Variants in FSTL5 observed in about 807,000 individuals in gnomAD.
The protein encoded by FSTL5 is follistatin-related protein 5.
In FSTL5, 62 loss-of-function variants were observed where a neutral mutation model predicts 89.1. That is an observed-to-expected ratio of 0.70 (90% CI 0.57 to 0.86). The LOEUF (loss-of-function observed/expected upper bound fraction) is 0.86. Ranked by LOEUF, FSTL5 falls within the 40% of genes least tolerant of loss-of-function variation. The probability of loss-of-function intolerance (pLI) is 0.00; values close to 1 mark genes in which losing one functional copy is unlikely to be tolerated. For synonymous variants in FSTL5, 383 were observed against 346.2 expected (o/e 1.11, Z -1.18); for missense variants, 1,057 against 1,001.6 (o/e 1.06, Z -0.75).
chr4:161,594,925 T>C (rs892542682), intron 7 of FSTL5, among the ~76,000 whole-genome samples: 1 of 152,084 alleles, frequency 6.6e-6, no homozygotes, highest in Non-Finnish European at 1.5e-5. Context: ...AAAGGCCCCA[T>C]CATTAATCCC....
At chr4:161,565,742 G>GACACACACACAC (rs145835055) in intron 8 of FSTL5, among the ~76,000 whole-genome samples, 2,448 of 133,608 alleles carry the variant, frequency 0.018, 52 homozygotes, top group African/African-American at 0.04. Context: ...TATAACTTGA[G>GACACACACACAC]ACACACACAC....
intron 3 of FSTL5, among the ~76,000 whole-genome samples, chr4:162,007,933 C>T (rs1371242896): frequency 1.3e-5 from 2 of 151,676 alleles, no homozygotes; most frequent in Non-Finnish European, 3.0e-5. Context: ...TAGTAGCTAA[C>T]TTTTGAAGTT....
intron 10 of FSTL5, among the ~76,000 whole-genome samples, chr4:161,537,280 C>G (rs976665933): frequency 1.1e-4 from 17 of 152,104 alleles, no homozygotes; most frequent in Admixed American, 9.8e-4. Flanking sequence ...ATGTCAGACT[C>G]TTGCAAAACA....
chr4:161,493,038 C>G (rs1345762013), intron 12 of FSTL5, among the ~76,000 whole-genome samples: 1 of 151,814 alleles, frequency 6.6e-6, no homozygotes, highest in Non-Finnish European at 1.5e-5. Flanking sequence ...AAATGGATGT[C>G]TTCACTGTTA....
chr4:161,615,954 A>G (rs145571546), intron 7 of FSTL5, among the ~76,000 whole-genome samples: 5 of 152,228 alleles, frequency 3.3e-5, no homozygotes, highest in Admixed American at 1.3e-4. Context: ...TTATTATGTC[A>G]AACCCTTTAA....
chr4:161,747,916 T>G (rs1477123766), intron 6 of FSTL5, among the ~76,000 whole-genome samples: 1 of 152,194 alleles, frequency 6.6e-6, no homozygotes, highest in Non-Finnish European at 1.5e-5. Flanking sequence ...ATAAATTTAC[T>G]TTTTATCATT....
chr4:161,949,129 C>T (rs904359908), intron 3 of FSTL5, among the ~76,000 whole-genome samples: 3 of 152,118 alleles, frequency 2.0e-5, no homozygotes, highest in Middle Eastern at 3.2e-3. Flanking sequence ...TGCATTCCTT[C>T]GCGTGTGGTT....
intron 6 of FSTL5, among the ~76,000 whole-genome samples, chr4:161,724,537 C>T (rs1373495072): frequency 6.6e-6 from 1 of 152,144 alleles, no homozygotes; most frequent in Non-Finnish European, 1.5e-5. Context: ...AAGACTTCTT[C>T]TGGACTGCTT....
chr4:161,587,663 CAAAT>C (rs1733664447), intron 7 of FSTL5, 88 bp from the exon 8 acceptor site: 3 of 853,948 alleles, frequency 3.5e-6, no homozygotes, highest in East Asian at 2.7e-5. Flanking sequence ...AGGTACAAAA[CAAAT>C]AGACTCAAAT....
intron 15 of FSTL5, among the ~76,000 whole-genome samples, chr4:161,400,448 G>A (rs1428555948): frequency 6.6e-6 from 1 of 151,990 alleles, no homozygotes; most frequent in East Asian, 1.9e-4. Context: ...TGTACTTGAT[G>A]CTTCAGTAAA....
At chr4:161,618,695 C>G (rs887122155) in intron 7 of FSTL5, among the ~76,000 whole-genome samples, 16 of 151,968 alleles carry the variant, frequency 1.1e-4, no homozygotes, top group East Asian at 3.9e-4. Context: ...TGGTGGATAA[C>G]CTTTTTGATG....
At chr4:161,688,000 C>T (rs1737802892) in intron 6 of FSTL5, among the ~76,000 whole-genome samples, 1 of 152,202 alleles carries the variant, frequency 6.6e-6, no homozygotes, top group Non-Finnish European at 1.5e-5. Flanking sequence ...GAGAGGCTGG[C>T]ACCTTGATCT....
intron 2 of FSTL5, among the ~76,000 whole-genome samples, chr4:162,071,902 A>G (rs1213785486): frequency 1.3e-5 from 2 of 151,868 alleles, no homozygotes; most frequent in African/African-American, 4.8e-5. Context: ...TTAATGATGA[A>G]TGGGTCAGTG....
chr4:161,964,168 G>T (rs1429990495), intron 3 of FSTL5, among the ~76,000 whole-genome samples: 1 of 151,858 alleles, frequency 6.6e-6, no homozygotes, highest in South Asian at 2.1e-4. Flanking sequence ...CTAAATTGAG[G>T]TGGCTTTTAT....
intron 2 of FSTL5, among the ~76,000 whole-genome samples, chr4:162,089,647 A>AG (rs1730463451): frequency 4.0e-5 from 5 of 125,488 alleles, no homozygotes; most frequent in Non-Finnish European, 5.3e-5. Context: ...AAAAAAAAAA[A>AG]AAAGAAAAAA....
intron 8 of FSTL5, among the ~76,000 whole-genome samples, chr4:161,576,184 G>A (rs1220386148): frequency 1.3e-5 from 2 of 152,010 alleles, no homozygotes; most frequent in African/African-American, 2.4e-5. Context: ...ACAAACAAAT[G>A]GAAAAACATT....
chr4:161,414,860 G>A (rs932681566), intron 15 of FSTL5, among the ~76,000 whole-genome samples: 1 of 152,170 alleles, frequency 6.6e-6, no homozygotes, highest in African/African-American at 2.4e-5. Flanking sequence ...AGTTAGGTCT[G>A]GCTTTGAGTC....
chr4:161,514,690 G>C (rs1324948284), intron 10 of FSTL5, among the ~76,000 whole-genome samples: 1 of 151,968 alleles, frequency 6.6e-6, no homozygotes, highest in Non-Finnish European at 1.5e-5. Context: ...AATTTTTGAT[G>C]GGTTGATCAA....
chr4:161,806,721 C>T (rs893214001), intron 4 of FSTL5, among the ~76,000 whole-genome samples: 7 of 151,980 alleles, frequency 4.6e-5, no homozygotes, highest in African/African-American at 1.4e-4. Flanking sequence ...ATAGCTTTCA[C>T]AGAATGAATT....
Sources: gnomAD v4.1 joint callset for allele counts (sites outside exome capture counted in the v4.1 genomes callset) on GRCh38, gnomAD v4.1.1 for gene constraint, MANE v1.5 for transcripts, NCBI Gene and HGNC (gene_info 2026-07-23, HGNC 2026-07-21) for gene names.